CDH13: variants seen among roughly 807,000 people sequenced by gnomAD.
The protein encoded by CDH13 is cadherin 13, also known as cadherin-13.
In CDH13, 24 loss-of-function variants were observed where a neutral mutation model predicts 63.8. That is an observed-to-expected ratio of 0.38 (90% CI 0.27 to 0.53). CDH13 has a LOEUF of 0.53. Ranked by LOEUF, CDH13 falls within the 20% of genes least tolerant of loss-of-function variation. CDH13 has a pLI of 0.85. For synonymous variants in CDH13, 503 were observed against 355.3 expected (o/e 1.42, Z -4.67); for missense variants, 1,049 against 903.1 (o/e 1.16, Z -2.07).
chr16:83,133,919 G>A (rs923920854), intron 4 of CDH13, among the ~76,000 whole-genome samples: 5 of 152,182 alleles, frequency 3.3e-5, no homozygotes, highest in African/African-American at 1.2e-4. Flanking sequence ...CAGATGCGGT[G>A]GCCCAGGACA....
In CDH13 at chr16:83,358,060, C is replaced by T. The variant is rs547215878; in HGVS notation, c.781+13054C>T. On this transcript the variant is annotated intron_variant, in intron 6 of 13. Coordinates refer to ENST00000567109, the MANE Select transcript of CDH13 (RefSeq NM_001257.5). ...TTCAAGAAGCTAGAAAACAAACTGT[C>T]CAGCAGAGCAGAAGCATTTTCCTCA... is the stretch of plus-strand genomic sequence containing the variant. 9.2e-5 allele frequency among the ~76,000 whole-genome samples: 14 copies of T among 152,280 alleles called. No homozygotes were observed. In the South Asian group the frequency reaches 2.7e-3, roughly 29 times the overall value.
At chr16:83,517,813 A>C (rs2074733366) in intron 7 of CDH13, among the ~76,000 whole-genome samples, 1 of 152,184 alleles carries the variant, frequency 6.6e-6, no homozygotes, top group Non-Finnish European at 1.5e-5. Flanking sequence ...TTTTAGCTTT[A>C]ATGGTAATAG....
At chr16:82,734,046 A>T (rs1441507237) in intron 1 of CDH13, among the ~76,000 whole-genome samples, 4 of 152,070 alleles carry the variant, frequency 2.6e-5, no homozygotes, top group African/African-American at 9.7e-5. Context: ...GAAGAGAACT[A>T]ATATTGGAGC....
intron 10 of CDH13, among the ~76,000 whole-genome samples, chr16:83,739,054 A>C (rs1234707862): frequency 6.6e-6 from 1 of 152,196 alleles, no homozygotes; most frequent in Non-Finnish European, 1.5e-5. Context: ...TGTTCCTAGA[A>C]AGACCTGCCT....
chr16:83,233,990 C>G (rs151193779), intron 5 of CDH13, among the ~76,000 whole-genome samples: 119 of 152,292 alleles, frequency 7.8e-4, no homozygotes, highest in African/African-American at 2.6e-3. Flanking sequence ...TTGACCCCAG[C>G]TATTGTCATC....
At chr16:82,889,281 G>A (rs960343651) in intron 2 of CDH13, among the ~76,000 whole-genome samples, 3 of 149,192 alleles carry the variant, frequency 2.0e-5, no homozygotes, top group Non-Finnish European at 3.0e-5. Context: ...GGAAAATTGT[G>A]CTTGTCTGTC....
At chr16:83,215,061 T>C (rs1264294667) in intron 4 of CDH13, among the ~76,000 whole-genome samples, 1 of 122,814 alleles carries the variant, frequency 8.1e-6, no homozygotes, top group Non-Finnish European at 1.7e-5. Flanking sequence ...CATCAGAGAG[T>C]ATCAAACACC....
intron 3 of CDH13, among the ~76,000 whole-genome samples, chr16:83,038,416 A>G (rs1456812465): frequency 1.3e-5 from 2 of 152,222 alleles, no homozygotes; most frequent in African/African-American, 2.4e-5. Context: ...CTTAGATCTG[A>G]GTAGGCAGAA....
At position 83,440,746 on chromosome 16, in the gene CDH13, C is replaced by G. The variant is rs544283749; in HGVS notation, c.782-45731C>G. On this transcript the variant is annotated intron_variant, in intron 6 of 13. Coordinates refer to ENST00000567109, the MANE Select transcript of CDH13 (RefSeq NM_001257.5). ...GCTACAGTGAGTTGAGACTGAGCCA[C>G]CGCACTCCAGCCTGGGCAGCAGATT... Among the ~76,000 whole-genome samples, 45 of 149,500 alleles carry G rather than the reference C, an allele frequency of 3.0e-4. No homozygotes were observed. In the East Asian group the frequency reaches 8.2e-3, roughly 27 times the overall value.
chr16:83,236,685 T>C (rs994016646), intron 5 of CDH13, among the ~76,000 whole-genome samples: 4 of 151,976 alleles, frequency 2.6e-5, no homozygotes, highest in Non-Finnish European at 4.4e-5. Flanking sequence ...CTAAGTAAAA[T>C]ATAAGGGAGT....
chr16:82,743,331 G>C lies in CDH13; in HGVS notation c.46-115031G>C, dbSNP rs934287970. ...AGCCTCAGACTTCCCGGGCTTAGGC[G>C]ATCCTCCCACCTCAGCCTTTTAGGT... On this transcript the variant is annotated intron_variant, in intron 1 of 13. Coordinates refer to ENST00000567109, the MANE Select transcript of CDH13 (RefSeq NM_001257.5). 3.9e-5 allele frequency among the ~76,000 whole-genome samples: 6 copies of C among 152,200 alleles called. No homozygotes were observed. The South Asian group carries it at 6.2e-4, about 16-fold the overall frequency.
At chr16:83,357,103 T>C (rs953698239) in intron 6 of CDH13, among the ~76,000 whole-genome samples, 2 of 152,142 alleles carry the variant, frequency 1.3e-5, no homozygotes, top group African/African-American at 4.8e-5. Context: ...AAGCTCTGTA[T>C]CCTTAAAAAA....
intron 4 of CDH13, among the ~76,000 whole-genome samples, chr16:83,150,414 G>A (rs2036928306): frequency 6.6e-6 from 1 of 151,874 alleles, no homozygotes. Context: ...CCCAATATAT[G>A]CTTCTGCACA....
chr16:83,596,181 C>G (rs1907238578), intron 7 of CDH13, among the ~76,000 whole-genome samples: 1 of 152,176 alleles, frequency 6.6e-6, no homozygotes, highest in African/African-American at 2.4e-5. Flanking sequence ...TGAGTTCACT[C>G]ACCTAGTGAC....
chr16:83,285,457 A>G (rs188018064), intron 5 of CDH13, among the ~76,000 whole-genome samples: 6 of 152,242 alleles, frequency 3.9e-5, no homozygotes, highest in African/African-American at 1.4e-4. Flanking sequence ...TTCACTGAGT[A>G]CAGGTGGTCA....
intron 1 of CDH13, among the ~76,000 whole-genome samples, chr16:82,687,011 A>T (rs1915142570): frequency 6.6e-6 from 1 of 152,232 alleles, no homozygotes; most frequent in Non-Finnish European, 1.5e-5. Flanking sequence ...TGGGAAATCC[A>T]CTGCTTCTCT....
intron 1 of CDH13, among the ~76,000 whole-genome samples, chr16:82,780,976 T>G (rs774295887): frequency 2.0e-5 from 3 of 152,352 alleles, no homozygotes; most frequent in Non-Finnish European, 4.4e-5. Context: ...AGGGTCACAT[T>G]TGGGGTAGCT....
intron 10 of CDH13, among the ~76,000 whole-genome samples, chr16:83,714,358 T>C (rs999600213): frequency 6.6e-6 from 1 of 152,206 alleles, no homozygotes; most frequent in African/African-American, 2.4e-5. Context: ...CGGTCATAGA[T>C]AGCTGGCATA....
At chr16:82,704,727 CTTA>C (rs1192717417) in intron 1 of CDH13, among the ~76,000 whole-genome samples, 3 of 152,188 alleles carry the variant, frequency 2.0e-5, no homozygotes, top group Non-Finnish European at 4.4e-5. Context: ...ATAGCCCTGG[CTTA>C]TTAGAATCTG....
Sources: allele counts gnomAD v4.1 joint callset (sites outside exome capture counted in the v4.1 genomes callset), GRCh38; gene constraint gnomAD v4.1.1; transcripts MANE v1.5; gene names NCBI Gene and HGNC (gene_info 2026-07-23, HGNC 2026-07-21).